TYW1B: variants seen among roughly 807,000 people sequenced by gnomAD.
TYW1B encodes the protein tRNA-yW synthesizing protein 1 homolog B, also known as S-adenosyl-L-methionine-dependent tRNA 4-demethylwyosine synthase TYW1B.
In TYW1B, 73 loss-of-function variants were observed where a neutral mutation model predicts 86.9. The ratio of observed to expected loss-of-function variants is 0.84; its 90% CI spans 0.70 to 1.02. TYW1B has a LOEUF of 1.02. Among genes scored for constraint, TYW1B ranks in the 50% least tolerant of loss-of-function variants. TYW1B has a pLI of 0.00. For missense variants in TYW1B, 637 were observed against 827.4 expected, an observed-to-expected ratio of 0.77 and a Z score of 2.82; for synonymous variants, 248 against 292.8, an observed-to-expected ratio of 0.85 and a Z score of 1.56.
chr7:72,760,760 G>A (rs950590849), intron 7 of TYW1B, among the ~76,000 whole-genome samples: 1 of 152,192 alleles, frequency 6.6e-6, no homozygotes. Flanking sequence ...CTTTGCCTAG[G>A]TTTACTGCTC....
chr7:72,620,045 C>T (rs2844109), intron 12 of TYW1B, among the ~76,000 whole-genome samples: 1 of 152,092 alleles, frequency 6.6e-6, no homozygotes, highest in Non-Finnish European at 1.5e-5. Context: ...CCATTCCTTA[C>T]AACTCTATGA....
At chr7:72,684,657 T>TA (rs1813963462) in intron 11 of TYW1B, among the ~76,000 whole-genome samples, 1 of 152,136 alleles carries the variant, frequency 6.6e-6, no homozygotes, top group African/African-American at 2.4e-5. Flanking sequence ...AGGAGTAAAA[T>TA]AAAAATGTTT....
chr7:72,719,906 G>A (rs531985526), intron 9 of TYW1B, among the ~76,000 whole-genome samples: 1 of 152,254 alleles, frequency 6.6e-6, no homozygotes, highest in Admixed American at 6.5e-5. Flanking sequence ...CACATGGGTA[G>A]CCAATGCAGG....
intron 6 of TYW1B, among the ~76,000 whole-genome samples, chr7:72,798,170 G>A (rs1336127742): frequency 3.9e-5 from 6 of 152,042 alleles, no homozygotes; most frequent in East Asian, 1.9e-4. Flanking sequence ...TTGGGAGGCC[G>A]AGGCGGGCAG....
At chr7:72,803,756 G>A (rs1788446166) in intron 5 of TYW1B, among the ~76,000 whole-genome samples, 1 of 151,830 alleles carries the variant, frequency 6.6e-6, no homozygotes, top group African/African-American at 2.4e-5. Flanking sequence ...TGGGACTACA[G>A]GCATGCACCA....
chr7:72,611,677 T>C (rs1225638216), intron 13 of TYW1B, among the ~76,000 whole-genome samples: 1 of 152,166 alleles, frequency 6.6e-6, no homozygotes, highest in Non-Finnish European at 1.5e-5. Flanking sequence ...CAGGGACCAT[T>C]GTTTACTCAT....
chr7:72,648,686 G>C (rs782372402), intron 11 of TYW1B, among the ~76,000 whole-genome samples: 3 of 152,156 alleles, frequency 2.0e-5, no homozygotes, highest in Non-Finnish European at 4.4e-5. Flanking sequence ...AGAGTTTGAA[G>C]AGTCATGTAC....
At chr7:72,670,338 C>T (rs782091600) in intron 11 of TYW1B, among the ~76,000 whole-genome samples, 27 of 152,096 alleles carry the variant, frequency 1.8e-4, no homozygotes, top group Non-Finnish European at 2.9e-4. Flanking sequence ...ATTACAGGCG[C>T]CTACCACCAC....
intron 8 of TYW1B, among the ~76,000 whole-genome samples, chr7:72,730,484 C>T (rs191838538): frequency 6.1e-4 from 82 of 135,110 alleles, no homozygotes; most frequent in African/African-American, 2.2e-3. Context: ...GGAGAACAAA[C>T]AATGTCTGAA....
intron 3 of TYW1B, among the ~76,000 whole-genome samples, chr7:72,814,785 T>C (rs1323254150): frequency 6.8e-6 from 1 of 148,062 alleles, no homozygotes; most frequent in African/African-American, 2.5e-5. Flanking sequence ...ATAGTAGGGG[T>C]CAGGCACAGT....
intron 11 of TYW1B, among the ~76,000 whole-genome samples, chr7:72,677,681 T>C (rs1339617301): frequency 2.6e-5 from 4 of 152,036 alleles, no homozygotes; most frequent in Non-Finnish European, 4.4e-5. Context: ...TTCACAGAGT[T>C]GTGTGGATAT....
Position 72,810,604 on chromosome 7 carries a change from T to C in TYW1B, c.299A>G (p.Glu100Gly). 6.2e-7 allele frequency: 1 copy of C among 1,613,940 alleles called. No homozygotes were observed. Among genetic ancestry groups the C allele is most frequent in the Non-Finnish European group, 8.5e-7 (1 of 1,179,850 alleles). ...CCATTTGCAGAACCACTCTGCACTTTCGGTTGGTAGGCCGTCAGTGTATGT... is the reference window on the plus strand; with the variant it reads ...CCATTTGCAGAACCACTCTGCACTTCCGGTTGGTAGGCCGTCAGTGTATGT... Reference protein sequence around the residue: ...VATYTDGLPTESAEWFCKWLE... With the variant: ...VATYTDGLPTGSAEWFCKWLE... Residue 100 changes from glutamate to glycine, a missense_variant, in exon 4 of 14, where the codon GAA becomes GGA. Glu to Gly is a moderately conservative substitution (Grantham distance 98). Transcript: ENST00000620995.
intron 8 of TYW1B, among the ~76,000 whole-genome samples, chr7:72,735,173 T>A (rs1787176494): frequency 6.6e-6 from 1 of 152,176 alleles, no homozygotes; most frequent in Non-Finnish European, 1.5e-5. Flanking sequence ...TGCAGCACTA[T>A]TCACAATCGC....
At chr7:72,617,307 GA>G (rs777422575) in intron 12 of TYW1B, among the ~76,000 whole-genome samples, 79 of 152,206 alleles carry the variant, frequency 5.2e-4, no homozygotes, top group Non-Finnish European at 9.4e-4. Flanking sequence ...TAGTATAATT[GA>G]GATTGAAACT....
chr7:72,804,284 CAA>C (rs797037230), intron 5 of TYW1B, among the ~76,000 whole-genome samples: 13 of 70,774 alleles, frequency 1.8e-4, no homozygotes, highest in Admixed American at 3.2e-4. Flanking sequence ...GACTCCATCT[CAA>C]AAAAAAAAAA....
intron 10 of TYW1B, among the ~76,000 whole-genome samples, chr7:72,699,002 G>T (rs1814392583): frequency 6.6e-6 from 1 of 152,166 alleles, no homozygotes; most frequent in Non-Finnish European, 1.5e-5. Context: ...GAGGCCAAGA[G>T]GCTCAGCCCT....
intron 10 of TYW1B, among the ~76,000 whole-genome samples, chr7:72,712,921 C>A (rs1489186765): frequency 3.3e-5 from 5 of 152,116 alleles, no homozygotes; most frequent in African/African-American, 1.2e-4. Flanking sequence ...ATCACAAATA[C>A]CCCAACTCCA....
chr7:72,630,938 G>T (rs1554439717), intron 11 of TYW1B, among the ~76,000 whole-genome samples: 2 of 151,962 alleles, frequency 1.3e-5, no homozygotes, highest in Non-Finnish European at 1.5e-5. Context: ...TCAGCATTTT[G>T]TTAAAAATCC....
intron 12 of TYW1B, 50 bp downstream of exon 12, chr7:72,628,837 C>G (rs782149501): frequency 2.0e-6 from 3 of 1,508,152 alleles, no homozygotes. Context: ...AACGAAGCAC[C>G]ACGATTCTTT....
Sources: allele counts gnomAD v4.1 joint callset (sites outside exome capture counted in the v4.1 genomes callset), GRCh38; gene constraint gnomAD v4.1.1; transcripts MANE v1.5; gene names NCBI Gene and HGNC (gene_info 2026-07-23, HGNC 2026-07-21).